Variants in PTPRR observed in about 807,000 individuals in gnomAD.
The protein encoded by PTPRR is receptor-type tyrosine-protein phosphatase R.
Under a neutral mutation model 77.2 loss-of-function variants are expected in PTPRR, and 38 were observed. That is an observed-to-expected ratio of 0.49 (90% CI 0.38 to 0.65). The LOEUF is 0.65. Ranked by LOEUF, PTPRR falls within the 30% of genes least tolerant of loss-of-function variation. The pLI, the probability that PTPRR is intolerant of heterozygous loss-of-function variation, is 0.00. For missense variants in PTPRR, 744 were observed against 799.2 expected (o/e 0.93, Z 0.83); for synonymous variants, 299 against 283.1 (o/e 1.06, Z -0.57).
intron 10 of PTPRR, among the ~76,000 whole-genome samples, chr12:70,683,567 A>G (rs1310116197): frequency 2.6e-5 from 4 of 152,114 alleles, no homozygotes; most frequent in African/African-American, 9.7e-5. Flanking sequence ...GTAATCTGCA[A>G]TTCCCCATCA....
intron 2 of PTPRR, among the ~76,000 whole-genome samples, chr12:70,866,389 G>T (rs1224466340): frequency 6.6e-6 from 1 of 151,548 alleles, no homozygotes; most frequent in Non-Finnish European, 1.5e-5. Context: ...TACCATCAGA[G>T]AATACTACAA....
chr12:70,860,541 G>A (rs1272062676), intron 2 of PTPRR, among the ~76,000 whole-genome samples: 1 of 152,104 alleles, frequency 6.6e-6, no homozygotes, highest in African/African-American at 2.4e-5. Context: ...GGTGCTCCAT[G>A]TCCTGTACTT....
chr12:70,790,805 G>A (rs1273517891), intron 2 of PTPRR, among the ~76,000 whole-genome samples: 2 of 151,986 alleles, frequency 1.3e-5, no homozygotes, highest in Non-Finnish European at 2.9e-5. Flanking sequence ...TAGCACCACC[G>A]CATTCCAGCC....
chr12:70,715,031 T>G (rs1329430423), intron 6 of PTPRR, among the ~76,000 whole-genome samples: 2 of 151,924 alleles, frequency 1.3e-5, no homozygotes, highest in Non-Finnish European at 2.9e-5. Context: ...ATAATTTTTT[T>G]TTTGTTATTT....
chr12:70,858,481 A>G (rs1244951307), intron 2 of PTPRR, among the ~76,000 whole-genome samples: 1 of 152,030 alleles, frequency 6.6e-6, no homozygotes, highest in Non-Finnish European at 1.5e-5. Context: ...TTTCTCTTGA[A>G]GGTCCTACCT....
chr12:70,861,716 T>A (rs1044289078), intron 2 of PTPRR, among the ~76,000 whole-genome samples: 1 of 152,084 alleles, frequency 6.6e-6, no homozygotes, highest in Admixed American at 6.6e-5. Flanking sequence ...CCCATTCTCC[T>A]CATACCAAAT....
chr12:70,904,947 T>A (rs1164416214), intron 1 of PTPRR, among the ~76,000 whole-genome samples: 1 of 151,666 alleles, frequency 6.6e-6, no homozygotes, highest in African/African-American at 2.4e-5. Flanking sequence ...GGTTGAGGGA[T>A]GTGTTTTTGG....
At chr12:70,701,908 G>A (rs1565655073) in intron 6 of PTPRR, among the ~76,000 whole-genome samples, 1 of 152,136 alleles carries the variant, frequency 6.6e-6, no homozygotes, top group Admixed American at 6.5e-5. Context: ...GGGGGGTTGA[G>A]GCTGCAGTGA....
At chr12:70,794,822 A>G (rs1470128596) in intron 2 of PTPRR, among the ~76,000 whole-genome samples, 1 of 152,218 alleles carries the variant, frequency 6.6e-6, no homozygotes, top group African/African-American at 2.4e-5. Flanking sequence ...ACCACTGCCA[A>G]CAACTATGGC....
At chr12:70,659,239 G>A (rs10879177) in intron 12 of PTPRR, among the ~76,000 whole-genome samples, 60,201 of 151,822 alleles carry the variant, frequency 0.4, 14,684 homozygotes, top group African/African-American at 0.67. Context: ...CATGTAAGGT[G>A]AGACGGAGAA....
intron 2 of PTPRR, among the ~76,000 whole-genome samples, chr12:70,767,276 T>C (rs545884562): frequency 3.2e-4 from 48 of 151,866 alleles, no homozygotes; most frequent in Non-Finnish European, 1.2e-4. Flanking sequence ...ACCCATCTCA[T>C]GTGCAGAGAC....
At chr12:70,765,174 A>G (rs569158249) in intron 2 of PTPRR, among the ~76,000 whole-genome samples, 21 of 152,288 alleles carry the variant, frequency 1.4e-4, no homozygotes, top group African/African-American at 4.8e-4. Flanking sequence ...CAGTGGGTGC[A>G]GTGCACCGTG....
At chr12:70,764,489 A>G (rs1346700489) in intron 3 of PTPRR, among the ~76,000 whole-genome samples, 176 bp downstream of exon 3, 1 of 152,206 alleles carries the variant, frequency 6.6e-6, no homozygotes, top group South Asian at 2.1e-4. Context: ...TACAAAAGGC[A>G]TCATGGGCAA....
rs544061028 is a variant in PTPRR at position 70,783,780 on chromosome 12, C to T, written c.358-19002G>A. Reference sequence around the variant, plus strand: ...GCACCAAGAGACACCTGCAGTTCAGCACCCAGCTGCCCTTAGTCCCCTTTT... The same window carrying T: ...GCACCAAGAGACACCTGCAGTTCAGTACCCAGCTGCCCTTAGTCCCCTTTT... On this transcript the variant is annotated intron_variant, in intron 2 of 13. Transcript: ENST00000283228. Among the ~76,000 whole-genome samples the T allele has an allele frequency of 9.4e-4, 143 of 151,568 alleles. 2 individuals are homozygous for T. Among genetic ancestry groups the T allele is most frequent in the African/African-American group, 3.4e-3 (139 of 41,316 alleles).
intron 2 of PTPRR, among the ~76,000 whole-genome samples, chr12:70,850,399 G>T (rs1367194407): frequency 6.6e-6 from 1 of 151,804 alleles, no homozygotes; most frequent in African/African-American, 2.4e-5. Flanking sequence ...TCTATTTCCA[G>T]AAAGATCAAT....
At chr12:70,665,082 C>A (rs941388483) in intron 10 of PTPRR, among the ~76,000 whole-genome samples, 5 of 152,096 alleles carry the variant, frequency 3.3e-5, no homozygotes, top group Non-Finnish European at 1.5e-5. Context: ...TACTGTGAAA[C>A]CACACTAATT....
chr12:70,895,000 C>T (rs531367789), intron 1 of PTPRR, among the ~76,000 whole-genome samples: 1 of 151,782 alleles, frequency 6.6e-6, no homozygotes, highest in African/African-American at 2.4e-5. Flanking sequence ...CTACTGGTAA[C>T]AGAAGATGAT....
Position 70,639,062 on chromosome 12 carries a change from G to T in PTPRR, c.*122C>A. ...TGTTGCCCAGTCTTCCACAATCCAT[G>T]CCATACATGGGCTTCAGAGCTTCTC... On this transcript the variant is annotated 3_prime_UTR_variant, in exon 14 of 14. Transcript: ENST00000283228. 1.3e-6 allele frequency: 1 copy of T among 774,866 alleles called. No individual in the cohort carries two copies. Among genetic ancestry groups the T allele is most frequent in the Non-Finnish European group, 2.1e-6 (1 of 469,020 alleles). 48.0% of individuals were successfully genotyped at this position (774,866 alleles called of 1,614,324 possible). A position where few individuals can be genotyped will look rare whatever the true frequency, so the allele number is the denominator to read the frequency against.
intron 4 of PTPRR, among the ~76,000 whole-genome samples, chr12:70,758,046 T>TGGTCAAA (rs1890602643): frequency 6.6e-6 from 1 of 152,240 alleles, no homozygotes; most frequent in African/African-American, 2.4e-5. Flanking sequence ...TTAGAGATTC[T>TGGTCAAA]GGTCAAAGGT....
Sources: gnomAD v4.1 joint callset for allele counts (sites outside exome capture counted in the v4.1 genomes callset) on GRCh38, gnomAD v4.1.1 for gene constraint, MANE v1.5 for transcripts, NCBI Gene and HGNC (gene_info 2026-07-23, HGNC 2026-07-21) for gene names.